The following RORB variants were observed in gnomAD, a reference collection of about 807,000 sequenced individuals.
RORB encodes the protein RAR related orphan receptor B, also known as nuclear receptor ROR-beta.
A neutral mutation model predicts 59.1 loss-of-function variants in RORB; 6 were observed. That is an observed-to-expected ratio of 0.10 (90% CI 0.06 to 0.20). RORB has a LOEUF of 0.20. Among genes scored for constraint, RORB ranks in the 10% least tolerant of loss-of-function variants. RORB has a pLI of 1.00. For synonymous variants in RORB, 215 were observed against 204.5 expected, an observed-to-expected ratio of 1.05 and a Z score of -0.44; for missense variants, 320 against 560.5, an observed-to-expected ratio of 0.57 and a Z score of 4.33.
chr9:74,619,744 G>C (rs1401529181), intron 1 of RORB, among the ~76,000 whole-genome samples: 3 of 152,100 alleles, frequency 2.0e-5, no homozygotes, highest in African/African-American at 7.2e-5. Context: ...GTTGTTCTTA[G>C]CATGAAGGGC....
chr9:74,535,441 G>GA (rs1440739550), intron 1 of RORB, among the ~76,000 whole-genome samples: 2 of 151,800 alleles, frequency 1.3e-5, no homozygotes, highest in Non-Finnish European at 2.9e-5. Flanking sequence ...TGGCAGAATG[G>GA]AAAAAATCTT....
chr9:74,527,559 C>T (rs564116725), intron 1 of RORB, among the ~76,000 whole-genome samples: 2 of 152,000 alleles, frequency 1.3e-5, no homozygotes, highest in East Asian at 3.9e-4. Context: ...TTTTATATGA[C>T]AAAATTTAAA....
intron 2 of RORB, among the ~76,000 whole-genome samples, chr9:74,632,317 C>A (rs1191165953): frequency 6.6e-6 from 1 of 152,136 alleles, no homozygotes; most frequent in African/African-American, 2.4e-5. Flanking sequence ...CAAAATGGCA[C>A]TGTACACCAC....
chr9:74,653,656 C>A (rs1189829594), intron 4 of RORB, among the ~76,000 whole-genome samples: 1 of 151,998 alleles, frequency 6.6e-6, no homozygotes, highest in Non-Finnish European at 1.5e-5. Flanking sequence ...GTTGGGCCTC[C>A]GGTGCTCTTG....
At chr9:74,512,660 C>T (rs917447220) in intron 1 of RORB, among the ~76,000 whole-genome samples, 2 of 152,184 alleles carry the variant, frequency 1.3e-5, no homozygotes, top group Admixed American at 6.6e-5. Context: ...AGGCAAAGAA[C>T]TATCCTGTCC....
At chr9:74,548,742 C>T (rs1826542539) in intron 1 of RORB, among the ~76,000 whole-genome samples, 1 of 152,110 alleles carries the variant, frequency 6.6e-6, no homozygotes, top group Non-Finnish European at 1.5e-5. Context: ...AAAAAATAAA[C>T]ATGTTAAAAT....
intron 1 of RORB, among the ~76,000 whole-genome samples, chr9:74,563,927 C>T (rs1822435857): frequency 6.6e-6 from 1 of 152,194 alleles, no homozygotes; most frequent in African/African-American, 2.4e-5. Context: ...CAGTGATGTG[C>T]TTCATAAGTG....
chr9:74,628,780 G>C (rs1823564477), intron 1 of RORB, among the ~76,000 whole-genome samples: 1 of 152,162 alleles, frequency 6.6e-6, no homozygotes, highest in African/African-American at 2.4e-5. Flanking sequence ...GGAAATAGCA[G>C]ATCTTCTAGT....
At chr9:74,621,713 C>A (rs902759739) in intron 1 of RORB, among the ~76,000 whole-genome samples, 3 of 152,190 alleles carry the variant, frequency 2.0e-5, no homozygotes, top group African/African-American at 4.8e-5. Context: ...CAGCAATAAG[C>A]AAACATTCCA....
chr9:74,589,275 C>T (rs563197460), intron 1 of RORB, among the ~76,000 whole-genome samples: 177 of 152,218 alleles, frequency 1.2e-3, no homozygotes, highest in African/African-American at 4.1e-3. Flanking sequence ...GAATTTGTGG[C>T]CCTAAAAGAA....
intron 1 of RORB, among the ~76,000 whole-genome samples, chr9:74,549,608 GAAA>G (rs1563934623): frequency 0.013 from 631 of 49,106 alleles, 29 homozygotes; most frequent in African/African-American, 0.037. Context: ...AAGGAAGGAA[GAAA>G]GGAAGGAAGG....
rs1308313730 is a variant in RORB, at chr9:74,689,582, T to C, written c.*3964T>C. On this transcript the variant is annotated 3_prime_UTR_variant, in exon 10 of 10. Coordinates refer to ENST00000376896, the MANE Select transcript of RORB (RefSeq NM_006914.4). ...CTCCTGAGTGATTAGATTTCTTTGG[T>C]AGATTCCAAGAGATCTTAAATCATA... 1.3e-5 allele frequency: 2 copies of C among 152,220 alleles called. No individual in the cohort carries two copies. The highest frequency in any genetic ancestry group is 2.9e-5 in the Non-Finnish European group (2 of 68,044). 9.4% of individuals were successfully genotyped at this position (152,220 alleles called of 1,614,324 possible).
intron 1 of RORB, among the ~76,000 whole-genome samples, chr9:74,572,928 C>A (rs575783767): frequency 6.6e-6 from 1 of 152,242 alleles, no homozygotes; most frequent in East Asian, 1.9e-4. Flanking sequence ...CCAAAATTAG[C>A]AAATTGTAGC....
chr9:74,594,475 G>T lies in RORB; in HGVS notation c.8-35807G>T, dbSNP rs547263211. On this transcript the variant is annotated intron_variant, in intron 1 of 9. Coordinates refer to ENST00000376896, the MANE Select transcript of RORB (RefSeq NM_006914.4). ...GGGCTATCTGCATACAAAATATCATGAAAATCATATATAAAATCTATATGT... is the reference window on the plus strand; with the variant it reads ...GGGCTATCTGCATACAAAATATCATTAAAATCATATATAAAATCTATATGT... Among the ~76,000 whole-genome samples, 11 of 152,188 alleles carry T rather than the reference G, an allele frequency of 7.2e-5. No individual in the cohort carries two copies. In the East Asian group the frequency reaches 2.1e-3, roughly 29 times the overall value.
At chr9:74,678,397 A>C (rs1260845291) in intron 9 of RORB, among the ~76,000 whole-genome samples, 1 of 152,210 alleles carries the variant, frequency 6.6e-6, no homozygotes, top group African/African-American at 2.4e-5. Flanking sequence ...CTTAATTCCT[A>C]TGCTTGTTTC....
intron 1 of RORB, among the ~76,000 whole-genome samples, chr9:74,533,479 C>G (rs1826276664): frequency 1.3e-5 from 2 of 152,028 alleles, no homozygotes; most frequent in African/African-American, 2.4e-5. Flanking sequence ...AAAATAGAAG[C>G]AGAGTCCCTT....
At chr9:74,525,510 T>G (rs1826144679) in intron 1 of RORB, among the ~76,000 whole-genome samples, 1 of 151,948 alleles carries the variant, frequency 6.6e-6, no homozygotes, top group African/African-American at 2.4e-5. Flanking sequence ...CAAATAATCT[T>G]CTATTTCCCA....
At chr9:74,586,791 G>C (rs1383309803) in intron 1 of RORB, among the ~76,000 whole-genome samples, 1 of 152,170 alleles carries the variant, frequency 6.6e-6, no homozygotes, top group East Asian at 1.9e-4. Flanking sequence ...GATTACCAGA[G>C]CATGTGCCAG....
intron 1 of RORB, among the ~76,000 whole-genome samples, chr9:74,524,003 C>CTT (rs10666385): frequency 0.34 from 42,546 of 124,250 alleles, 7,816 homozygotes; most frequent in Admixed American, 0.4. Flanking sequence ...TCAACGACAC[C>CTT]TTTTTTTTTT....
Sources: gnomAD v4.1 joint callset for allele counts (sites outside exome capture counted in the v4.1 genomes callset) on GRCh38, gnomAD v4.1.1 for gene constraint, MANE v1.5 for transcripts, NCBI Gene and HGNC (gene_info 2026-07-23, HGNC 2026-07-21) for gene names.